Variants in PCSK5 observed in about 807,000 individuals in gnomAD.
PCSK5 encodes the protein prohormone convertase 5.
In PCSK5, 129 loss-of-function variants were observed where a neutral mutation model predicts 233.2. That is an observed-to-expected ratio of 0.55 (90% CI 0.48 to 0.64). The LOEUF is 0.64. Ranked by LOEUF, PCSK5 falls within the 30% of genes least tolerant of loss-of-function variation. The pLI, the probability that PCSK5 is intolerant of heterozygous loss-of-function variation, is 0.00. For synonymous variants in PCSK5, 825 were observed against 879.2 expected (o/e 0.94, Z 1.09); for missense variants, 2,076 against 2,430.1 (o/e 0.85, Z 3.06).
At chr9:76,300,537 T>G (rs1021696362) in intron 27 of PCSK5, among the ~76,000 whole-genome samples, 12 of 152,204 alleles carry the variant, frequency 7.9e-5, no homozygotes, top group African/African-American at 2.9e-4. Flanking sequence ...TTGGAAACAC[T>G]ACAAATCAGG....
chr9:76,249,256 A>C (rs1040919943), intron 24 of PCSK5, among the ~76,000 whole-genome samples: 18 of 152,172 alleles, frequency 1.2e-4, no homozygotes, highest in Non-Finnish European at 2.6e-4. Context: ...CTCCCCCACA[A>C]CAAAGAAATC....
chr9:75,912,155 C>T (rs763105858), intron 1 of PCSK5, among the ~76,000 whole-genome samples: 5 of 150,532 alleles, frequency 3.3e-5, no homozygotes, highest in Non-Finnish European at 5.9e-5. Context: ...ATTTTTTTTT[C>T]GATTGTAAAC....
chr9:76,296,049 A>G (rs1005830915), intron 26 of PCSK5, among the ~76,000 whole-genome samples: 15 of 152,200 alleles, frequency 9.9e-5, no homozygotes, highest in African/African-American at 3.4e-4. Context: ...CTAATGGCCA[A>G]TGTAAATTCC....
intron 1 of PCSK5, among the ~76,000 whole-genome samples, chr9:75,901,027 C>T (rs546315460): frequency 1.8e-4 from 27 of 152,030 alleles, no homozygotes; most frequent in African/African-American, 6.3e-4. Context: ...GGAAGAGAAA[C>T]GTTGGTGCCT....
At chr9:76,303,386 G>T (rs530026887) in intron 28 of PCSK5, among the ~76,000 whole-genome samples, 1 of 152,132 alleles carries the variant, frequency 6.6e-6, no homozygotes, top group South Asian at 2.1e-4. Context: ...ATACCAAATT[G>T]CCAGAACGTG....
intron 1 of PCSK5, among the ~76,000 whole-genome samples, chr9:75,897,489 C>CT (rs58504698): frequency 0.22 from 25,836 of 119,614 alleles, 3,067 homozygotes; most frequent in Middle Eastern, 0.3. Flanking sequence ...TCTTTCTTTT[C>CT]TTTTTTTTTT....
chr9:76,262,219 T>C (rs1401549153), intron 24 of PCSK5, among the ~76,000 whole-genome samples: 3 of 152,114 alleles, frequency 2.0e-5, no homozygotes, highest in Non-Finnish European at 4.4e-5. Flanking sequence ...ATTTATAGAT[T>C]CAATGCCATC....
At chr9:76,141,932 A>AACTC (rs1291510709) in intron 10 of PCSK5, among the ~76,000 whole-genome samples, 1 of 152,076 alleles carries the variant, frequency 6.6e-6, no homozygotes, top group East Asian at 1.9e-4. Context: ...AAATGATGAG[A>AACTC]ACTCGTGAAC....
chr9:76,180,929 A>G (rs555862947), intron 15 of PCSK5, among the ~76,000 whole-genome samples: 1 of 151,730 alleles, frequency 6.6e-6, no homozygotes, highest in East Asian at 1.9e-4. Context: ...CATATACAAC[A>G]TAAATTTAAA....
chr9:75,929,841 CT>C (rs1823696148), intron 1 of PCSK5, among the ~76,000 whole-genome samples: 1 of 151,486 alleles, frequency 6.6e-6, no homozygotes, highest in African/African-American at 2.4e-5. Context: ...GGGGTTTCCC[CT>C]TATAAAACTG....
intron 7 of PCSK5, among the ~76,000 whole-genome samples, chr9:76,091,572 T>C (rs1203744179): frequency 1.3e-5 from 2 of 151,992 alleles, no homozygotes; most frequent in African/African-American, 4.8e-5. Context: ...GATCTCTTCT[T>C]CTCTTCTCTC....
chr9:76,242,185 G>T (rs1826450561), intron 24 of PCSK5, among the ~76,000 whole-genome samples: 1 of 152,080 alleles, frequency 6.6e-6, no homozygotes, highest in Non-Finnish European at 1.5e-5. Context: ...CAGGGTAACT[G>T]GTATATCATC....
At chr9:76,006,319 T>G (rs999846645) in intron 3 of PCSK5, among the ~76,000 whole-genome samples, 2 of 152,160 alleles carry the variant, frequency 1.3e-5, no homozygotes, top group Admixed American at 1.3e-4. Flanking sequence ...TATTTTAGAT[T>G]TTATGTATAT....
chr9:76,346,047 A>G (rs1259090733), intron 35 of PCSK5, among the ~76,000 whole-genome samples: 1 of 152,154 alleles, frequency 6.6e-6, no homozygotes, highest in African/African-American at 2.4e-5. Context: ...TCTTTAATCC[A>G]TCTTGAGTTA....
chr9:76,017,594 A>G (rs150242194), intron 3 of PCSK5, among the ~76,000 whole-genome samples: 1 of 152,284 alleles, frequency 6.6e-6, no homozygotes, highest in East Asian at 1.9e-4. Context: ...CCTCTGCCCA[A>G]TTCCCTTTAG....
At chr9:76,008,763 G>A (rs1827593956) in intron 3 of PCSK5, among the ~76,000 whole-genome samples, 1 of 152,036 alleles carries the variant, frequency 6.6e-6, no homozygotes, top group South Asian at 2.1e-4. Flanking sequence ...TCTTACCATA[G>A]GCATCTTAAT....
intron 17 of PCSK5, among the ~76,000 whole-genome samples, chr9:76,186,456 C>G (rs1354332501): frequency 6.6e-6 from 1 of 152,166 alleles, no homozygotes; most frequent in African/African-American, 2.4e-5. Context: ...TTCGAGGTCT[C>G]AGTAGCCATG....
At chr9:75,995,288 T>G (rs916457125) in intron 3 of PCSK5, among the ~76,000 whole-genome samples, 1 of 152,164 alleles carries the variant, frequency 6.6e-6, no homozygotes, top group Non-Finnish European at 1.5e-5. Context: ...ACCATAAAAA[T>G]CATCATGGAA....
Position 76,358,669 on chromosome 9 carries a change from C to T in PCSK5, c.5411C>T (p.Ala1804Val). The part of the protein sequence containing the change: ...SRGRVQPAAK[A>V]GYEKLADPNK... ...GGCCGAGTCCAGCCAGCAGCAAAGG[C>T]CGGCTATGAAAAACTGGCCGACCCC... The change falls in exon 38 of 38, where the codon GCC becomes GTC. Residue 1804 changes from alanine (A) to valine (V), a missense_variant. Around this residue, in one of 6 missense-constraint regions of PCSK5, gnomAD observed 1,510 missense variants for 1,538.1 expected, o/e 0.98. Coordinates refer to ENST00000674117, the MANE Select transcript of PCSK5 (RefSeq NM_001372043.1). 1 of 1,612,782 alleles carries T rather than the reference C, an allele frequency of 6.2e-7. No homozygotes were observed. Among genetic ancestry groups the T allele is most frequent in the Non-Finnish European group, 8.5e-7 (1 of 1,179,874 alleles).
Sources: allele counts gnomAD v4.1 joint callset (sites outside exome capture counted in the v4.1 genomes callset), GRCh38; gene constraint gnomAD v4.1.1; regional missense constraint gnomAD v4.1.1; transcripts MANE v1.5; gene names NCBI Gene and HGNC (gene_info 2026-07-23, HGNC 2026-07-21).